The following LINS1 variants were observed in gnomAD, a reference collection of about 807,000 sequenced individuals.
LINS1 encodes lines homolog 1, also known as protein Lines homolog 1.
A neutral mutation model predicts 41.6 loss-of-function variants in LINS1; 27 were observed. The ratio of observed to expected loss-of-function variants is 0.65; its 90% confidence interval spans 0.48 to 0.89. The LOEUF (loss-of-function observed/expected upper bound fraction) is 0.89, where lower values mean the gene tolerates loss of function less well. Ranked by LOEUF, LINS1 falls within the 40% of genes least tolerant of loss-of-function variation. LINS1 has a pLI of 0.00. For missense variants in LINS1, 955 were observed against 884.1 expected, an observed-to-expected ratio of 1.08 and a Z score of -1.02; for synonymous variants, 336 against 312.9, an observed-to-expected ratio of 1.07 and a Z score of -0.78.
intron 4 of LINS1, 96 bp downstream of exon 4, chr15:100,574,891 A>G (rs1465460907): frequency 8.0e-7 from 1 of 1,248,392 alleles, no homozygotes; most frequent in Non-Finnish European, 1.2e-6. Flanking sequence ...ACTTTAAGAC[A>G]GATCAGATGT....
Position 100,569,423 on chromosome 15 carries a change from C to A in LINS1, c.2089G>T (p.Val697Leu). 3.1e-6 allele frequency: 5 copies of A among 1,614,212 alleles called. No homozygotes were observed. Among genetic ancestry groups the A allele is most frequent in the Non-Finnish European group, 3.4e-6 (4 of 1,180,040 alleles). The change falls in exon 7 of 7, where the codon GTA (valine) becomes TTA (leucine). Residue 697 changes from valine to leucine, a missense_variant. Physicochemically the swap from Val to Leu is conservative, Grantham distance 32 (BLOSUM62 1). Coordinates refer to ENST00000314742, the MANE Select transcript of LINS1 (RefSeq NM_001040616.3). The stretch of plus-strand genomic sequence containing the variant: ...TCAGAGACGACATCATTTGGGGCTA[C>A]TTCACAATCAAAGGAGAAGGCAGTA... ...FDTAFSFDCEVAPNDVVSEVG... is the reference protein window; with the variant it reads ...FDTAFSFDCELAPNDVVSEVG...
At chr15:100,573,334 A>G in intron 5 of LINS1, 2 of 1,151,912 alleles carry the variant, frequency 1.7e-6, no homozygotes, top group Non-Finnish European at 2.2e-6. Flanking sequence ...AAAAGGATTA[A>G]TATAAATAAA....
At chr15:100,591,514 G>A (rs1294651018) in intron 1 of LINS1, among the ~76,000 whole-genome samples, 1 of 152,162 alleles carries the variant, frequency 6.6e-6, no homozygotes, top group East Asian at 1.9e-4. Flanking sequence ...CATGCACTAG[G>A]CCCCAACAGA....
chr15:100,593,293 A>G (rs951357407), intron 1 of LINS1, among the ~76,000 whole-genome samples: 7 of 152,202 alleles, frequency 4.6e-5, no homozygotes, highest in African/African-American at 1.7e-4. Context: ...CTCTTGGCAG[A>G]GGAGCTGAAA....
rs1242798712 is a variant in LINS1 at position 100,575,129 on chromosome 15, CT to C, written c.490-2del. 6.2e-7 allele frequency: 1 copy of C among 1,609,592 alleles called. No individual in the cohort carries two copies. The highest frequency in any genetic ancestry group is 8.5e-7 in the Non-Finnish European group (1 of 1,178,260). On this transcript the variant is annotated splice_acceptor_variant, in intron 3 of 6. Transcript: ENST00000314742. LOFTEE classifies it high-confidence loss of function. The stretch of plus-strand genomic sequence containing the variant: ...CAATCCAGGAATTACTTAAGGTTAT[CT>C]ACAAGTGAGAAAATAAAGCAAGCAG...
In LINS1 at chr15:100,571,895, T is replaced by A; in HGVS notation, c.1393A>T (p.Arg465Ter). The A allele has an allele frequency of 6.2e-7, 1 of 1,613,974 alleles. No individual in the cohort carries two copies. The highest frequency in any genetic ancestry group is 8.5e-7 in the Non-Finnish European group (1 of 1,179,828). The change falls in exon 6 of 7, where the codon AGA becomes TGA. Residue 465 changes from arginine to a stop codon, truncating the protein, a stop_gained and splice_region_variant. Coordinates refer to ENST00000314742, the MANE Select transcript of LINS1 (RefSeq NM_001040616.3). LOFTEE classifies it low-confidence loss of function (END_TRUNC). The part of the protein sequence containing the change: ...ASLGIYLTLT[R>*]GCEATESLTQ... Reference sequence around the variant, plus strand: ...ATAATTACTTTAAAATACACTAACCTGGTCAGTGTTAAGTAGATGCCCAGT... The same window carrying A: ...ATAATTACTTTAAAATACACTAACCAGGTCAGTGTTAAGTAGATGCCCAGT...
intron 5 of LINS1, 156 bp downstream of exon 5, chr15:100,573,495 C>G: frequency 1.6e-6 from 1 of 612,736 alleles, no homozygotes; most frequent in Non-Finnish European, 2.5e-6. Flanking sequence ...AAATCCAGTT[C>G]TTTTTTTTTT....
chr15:100,590,445 A>G (rs981378496), intron 1 of LINS1, among the ~76,000 whole-genome samples: 2 of 152,132 alleles, frequency 1.3e-5, no homozygotes, highest in African/African-American at 4.8e-5. Flanking sequence ...CCATATCCCA[A>G]GTTAAAGAGA....
chr15:100,574,897 G>T, intron 4 of LINS1, 90 bp downstream of exon 4: 1 of 1,292,966 alleles, frequency 7.7e-7, no homozygotes, highest in African/African-American at 1.5e-5. Flanking sequence ...AGACAGATCA[G>T]ATGTTCCAAA....
intron 3 of LINS1, among the ~76,000 whole-genome samples, chr15:100,578,726 A>G (rs112599616): frequency 9.4e-4 from 143 of 152,310 alleles, no homozygotes; most frequent in African/African-American, 3.4e-3. Flanking sequence ...ACATGCACAC[A>G]TATGTTTATT....
chr15:100,583,359 A>C (rs749360450), intron 1 of LINS1, among the ~76,000 whole-genome samples: 2 of 152,238 alleles, frequency 1.3e-5, no homozygotes, highest in Non-Finnish European at 2.9e-5. Flanking sequence ...ATTGTTGATT[A>C]CTCCACAACA....
At chr15:100,600,346 C>G (rs1312839804) in intron 1 of LINS1, among the ~76,000 whole-genome samples, 1 of 151,990 alleles carries the variant, frequency 6.6e-6, no homozygotes, top group Non-Finnish European at 1.5e-5. Context: ...TGTGTATCTT[C>G]TGGATTTTTT....
rs368094647 is a variant in LINS1, at chr15:100,573,736, A to G, written c.1137T>C (p.His379=). 21 of 1,613,932 alleles carry G rather than the reference A, an allele frequency of 1.3e-5. No individual in the cohort carries two copies. In the African/African-American group the frequency reaches 1.3e-4, roughly 10 times the overall value. ...PECELITSPD[H]VILRAASLVI... is the part of the protein sequence containing the mutation. ...CTAAGCTTGCTGCTCTAAGGATCAC[A>G]TGATCTGGACTAGTGATAAGTTCAC... Residue 379 remains histidine (H), a synonymous_variant, in exon 5 of 7, where the codon CAT becomes CAC. Coordinates refer to ENST00000314742, the MANE Select transcript of LINS1 (RefSeq NM_001040616.3).
intron 1 of LINS1, chr15:100,586,247 A>G (rs2038796741): frequency 6.6e-6 from 1 of 152,258 alleles, no homozygotes; most frequent in Admixed American, 6.5e-5. Context: ...GCCCCCTCCC[A>G]GCTTAAGAGT....
chr15:100,595,562 A>T (rs748772130), intron 1 of LINS1, among the ~76,000 whole-genome samples: 1 of 152,246 alleles, frequency 6.6e-6, no homozygotes, highest in Non-Finnish European at 1.5e-5. Context: ...ACTGCTGGTG[A>T]GAATGAAAAA....
chr15:100,597,456 G>C (rs1476657105), intron 1 of LINS1, among the ~76,000 whole-genome samples: 3 of 152,166 alleles, frequency 2.0e-5, no homozygotes, highest in Non-Finnish European at 2.9e-5. Context: ...GTGGGTCTGG[G>C]AGGGCCCAAG....
In LINS1 at chr15:100,573,856, A is replaced by C; in HGVS notation, c.1017T>G (p.Asn339Lys). ...CCGAATTCACAGCTTGCAAAACAGC[A>C]TTAGCTAAAGCCAGCATGTCCACCG... ...HVAVDMLALA[N>K]AVLQAVNSGL... Residue 339 changes from asparagine to lysine, a missense_variant, in exon 5 of 7, where the codon AAT becomes AAG. Physicochemically the swap from Asn to Lys is moderately conservative, Grantham distance 94 (BLOSUM62 0). Coordinates refer to ENST00000314742, the MANE Select transcript of LINS1 (RefSeq NM_001040616.3). The C allele has an allele frequency of 3.1e-6, 5 of 1,614,278 alleles. No homozygotes were observed. Among genetic ancestry groups the C allele is most frequent in the Non-Finnish European group, 4.2e-6 (5 of 1,180,048 alleles).
chr15:100,593,363 TG>T (rs2039118615), intron 1 of LINS1, among the ~76,000 whole-genome samples: 1 of 152,218 alleles, frequency 6.6e-6, no homozygotes, highest in Non-Finnish European at 1.5e-5. Flanking sequence ...CTGAAGCCTC[TG>T]TTTATTTTTT....
chr15:100,575,814 A>C (rs1274676378), intron 3 of LINS1, among the ~76,000 whole-genome samples: 1 of 152,226 alleles, frequency 6.6e-6, no homozygotes, highest in African/African-American at 2.4e-5. Flanking sequence ...CAGAAATCAC[A>C]ACAAACTGTC....
Sources: allele counts gnomAD v4.1 joint callset (sites outside exome capture counted in the v4.1 genomes callset), GRCh38; gene constraint gnomAD v4.1.1; transcripts MANE v1.5; gene names NCBI Gene and HGNC (gene_info 2026-07-23, HGNC 2026-07-21).